Variants in SSBP2 observed in about 807,000 individuals in gnomAD.
The protein encoded by SSBP2 is single-stranded DNA-binding protein 2.
A neutral mutation model predicts 61.8 loss-of-function variants in SSBP2; 17 were observed. The observed-to-expected ratio is 0.28, with a 90% confidence interval of 0.19 to 0.41. The LOEUF is 0.41. Ranked by LOEUF, SSBP2 falls within the 10% of genes least tolerant of loss-of-function variation. SSBP2 has a pLI of 1.00. For synonymous variants in SSBP2, 139 were observed against 141.3 expected (o/e 0.98, Z 0.12); for missense variants, 310 against 458.7 (o/e 0.68, Z 2.96).
At chr5:81,660,720 C>A (rs769646490) in intron 1 of SSBP2, among the ~76,000 whole-genome samples, 1 of 152,136 alleles carries the variant, frequency 6.6e-6, no homozygotes, top group Non-Finnish European at 1.5e-5. Flanking sequence ...ATGTTTACTG[C>A]AACACTGCTT....
At chr5:81,696,724 G>A (rs867950595) in intron 1 of SSBP2, among the ~76,000 whole-genome samples, 1 of 152,114 alleles carries the variant, frequency 6.6e-6, no homozygotes. Context: ...CTTTTGAAAG[G>A]CAACCTATTT....
intron 1 of SSBP2, among the ~76,000 whole-genome samples, chr5:81,675,263 C>T (rs1243421487): frequency 6.6e-6 from 1 of 152,070 alleles, no homozygotes; most frequent in Admixed American, 6.6e-5. Flanking sequence ...ACATTGTTCC[C>T]CAGCTAAAAA....
chr5:81,716,077 AAC>A (rs1174731403), intron 1 of SSBP2, among the ~76,000 whole-genome samples: 51 of 150,116 alleles, frequency 3.4e-4, no homozygotes, highest in Admixed American at 7.4e-4. Context: ...CAACAACAAC[AAC>A]AAAAAAAAAA....
chr5:81,606,803 T>C (rs1380456792), intron 4 of SSBP2, among the ~76,000 whole-genome samples: 1 of 152,134 alleles, frequency 6.6e-6, no homozygotes, highest in Non-Finnish European at 1.5e-5. Context: ...AAAGAAAAGA[T>C]CAGTGGTTAT....
chr5:81,535,437 T>C (rs1770732881), intron 4 of SSBP2, among the ~76,000 whole-genome samples: 1 of 152,020 alleles, frequency 6.6e-6, no homozygotes, highest in Admixed American at 6.6e-5. Flanking sequence ...GAACAAATTG[T>C]AAAGTTTATA....
chr5:81,429,936 C>T (rs1319970091), intron 15 of SSBP2, among the ~76,000 whole-genome samples: 2 of 152,052 alleles, frequency 1.3e-5, no homozygotes, highest in Admixed American at 6.6e-5. Context: ...TCAAGAAACC[C>T]CAAGGACTTG....
chr5:81,575,331 A>G (rs1409131130), intron 4 of SSBP2, among the ~76,000 whole-genome samples: 1 of 152,240 alleles, frequency 6.6e-6, no homozygotes, highest in African/African-American at 2.4e-5. Context: ...AGTGATAATG[A>G]TGGCTCGTGG....
intron 5 of SSBP2, among the ~76,000 whole-genome samples, chr5:81,508,231 G>A (rs1448430309): frequency 1.3e-5 from 2 of 152,068 alleles, no homozygotes; most frequent in East Asian, 3.9e-4. Context: ...TAGATCAATG[G>A]CCATGTCTAC....
intron 1 of SSBP2, among the ~76,000 whole-genome samples, chr5:81,661,769 T>C (rs1392338890): frequency 6.6e-6 from 1 of 152,208 alleles, no homozygotes; most frequent in Non-Finnish European, 1.5e-5. Context: ...GTTTGGTTCG[T>C]AAATATTTTC....
intron 13 of SSBP2, 121 bp downstream of exon 13, chr5:81,442,532 A>T (rs1475037737): frequency 1.8e-6 from 1 of 570,370 alleles, no homozygotes; most frequent in Non-Finnish European, 3.1e-6. Flanking sequence ...TGACTTTTTG[A>T]ATATCTAATA....
intron 3 of SSBP2, among the ~76,000 whole-genome samples, chr5:81,625,066 A>G (rs1371726897): frequency 6.6e-6 from 1 of 152,174 alleles, no homozygotes; most frequent in Non-Finnish European, 1.5e-5. Context: ...AACTTGATGT[A>G]AGGTTATATA....
intron 1 of SSBP2, among the ~76,000 whole-genome samples, chr5:81,672,791 C>T (rs1311014825): frequency 1.3e-5 from 2 of 151,908 alleles, no homozygotes; most frequent in Admixed American, 1.3e-4. Context: ...CCAGGCTGAT[C>T]TCAAACTCCT....
chr5:81,719,208 T>C (rs1464766088), intron 1 of SSBP2, among the ~76,000 whole-genome samples: 1 of 152,114 alleles, frequency 6.6e-6, no homozygotes, highest in Non-Finnish European at 1.5e-5. Context: ...TGGGGTGTTT[T>C]CAAATCGTAA....
At chr5:81,513,460 A>C (rs918000815) in intron 5 of SSBP2, among the ~76,000 whole-genome samples, 168 bp downstream of exon 5, 1 of 152,198 alleles carries the variant, frequency 6.6e-6, no homozygotes, top group Non-Finnish European at 1.5e-5. Context: ...CAAATAAAAC[A>C]TAAGAAGAAA....
intron 1 of SSBP2, among the ~76,000 whole-genome samples, chr5:81,683,900 T>C (rs1581337080): frequency 6.6e-6 from 1 of 152,176 alleles, no homozygotes; most frequent in South Asian, 2.1e-4. Flanking sequence ...TAAAACTAAA[T>C]ACCACTATGC....
chr5:81,445,933 G>C (rs990203325), intron 12 of SSBP2, among the ~76,000 whole-genome samples: 2 of 152,070 alleles, frequency 1.3e-5, no homozygotes, highest in Non-Finnish European at 2.9e-5. Context: ...TGAATCATGA[G>C]ATTTTATTTT....
At chr5:81,606,351 C>T (rs1744876922) in intron 4 of SSBP2, among the ~76,000 whole-genome samples, 1 of 152,006 alleles carries the variant, frequency 6.6e-6, no homozygotes, top group Admixed American at 6.6e-5. Context: ...AGGAAAGTGC[C>T]CTCCCATTCA....
intron 16 of SSBP2, among the ~76,000 whole-genome samples, chr5:81,422,061 A>G (rs192376816): frequency 8.5e-5 from 13 of 152,236 alleles, no homozygotes; most frequent in Middle Eastern, 6.8e-3. Context: ...TTGGAAACCT[A>G]TGAGGACCAG....
intron 4 of SSBP2, among the ~76,000 whole-genome samples, chr5:81,538,518 G>A (rs1770992127): frequency 6.6e-6 from 1 of 152,230 alleles, no homozygotes; most frequent in Non-Finnish European, 1.5e-5. Context: ...CAGATTTTCA[G>A]TGTAGATGAA....
Sources: allele counts gnomAD v4.1 joint callset (sites outside exome capture counted in the v4.1 genomes callset), GRCh38; gene constraint gnomAD v4.1.1; transcripts MANE v1.5; gene names NCBI Gene and HGNC (gene_info 2026-07-23, HGNC 2026-07-21).